Variants in DLG2 observed in about 807,000 individuals in gnomAD.
The protein encoded by DLG2 is discs large MAGUK scaffold protein 2, also known as disks large homolog 2.
In DLG2, 45 loss-of-function variants were observed where a neutral mutation model predicts 132.5. That is an observed-to-expected ratio of 0.34 (90% CI 0.27 to 0.44). DLG2 has a LOEUF of 0.44. DLG2 is among the 20% of genes least tolerant of loss of function. The pLI is 1.00. For synonymous variants in DLG2, 424 were observed against 419.6 expected, an observed-to-expected ratio of 1.01 and a Z score of -0.13; for missense variants, 1,045 against 1,196.9, an observed-to-expected ratio of 0.87 and a Z score of 1.87.
intron 19 of DLG2, among the ~76,000 whole-genome samples, chr11:83,627,499 C>T (rs1307934396): frequency 2.6e-5 from 4 of 152,152 alleles, no homozygotes; most frequent in South Asian, 2.1e-4. Context: ...TTGCTCAGAA[C>T]GATGGTTTCC....
intron 7 of DLG2, among the ~76,000 whole-genome samples, chr11:84,301,900 T>G (rs962128551): frequency 6.6e-6 from 1 of 152,124 alleles, no homozygotes; most frequent in Non-Finnish European, 1.5e-5. Flanking sequence ...CATGTACACA[T>G]ATGTTTATTG....
intron 19 of DLG2, among the ~76,000 whole-genome samples, chr11:83,605,019 G>GAGAT (rs2059133157): frequency 6.8e-6 from 1 of 147,202 alleles, no homozygotes; most frequent in African/African-American, 2.5e-5. Context: ...GAGAGAGAGA[G>GAGAT]AGAGAGAGAG....
intron 17 of DLG2, among the ~76,000 whole-genome samples, chr11:83,789,595 T>C (rs1403836488): frequency 2.6e-5 from 4 of 151,880 alleles, no homozygotes; most frequent in African/African-American, 9.7e-5. Context: ...TTGCCCAGCC[T>C]GGAGTGCAGT....
At chr11:83,965,543 C>G (rs960531) in intron 12 of DLG2, 75 bp from the exon 13 acceptor site, 152,370 of 1,217,834 alleles carry the variant, frequency 0.13, 10,967 homozygotes, top group Admixed American at 0.19. Context: ...AAGAAGATAC[C>G]TGGAATTATA....
intron 4 of DLG2, among the ~76,000 whole-genome samples, chr11:85,186,684 AC>A (rs1180035856): frequency 6.6e-6 from 1 of 152,134 alleles, no homozygotes; most frequent in African/African-American, 2.4e-5. Context: ...GATTACTGTC[AC>A]ATCCTGACCT....
intron 6 of DLG2, among the ~76,000 whole-genome samples, chr11:84,586,150 CAA>C (rs71036429): frequency 1.1e-4 from 15 of 133,372 alleles, no homozygotes; most frequent in Non-Finnish European, 1.4e-4. Flanking sequence ...GATTCTGACT[CAA>C]AAAAAAAAAA....
At chr11:85,176,101 T>C (rs2079219289) in intron 4 of DLG2, among the ~76,000 whole-genome samples, 1 of 152,142 alleles carries the variant, frequency 6.6e-6, no homozygotes, top group Non-Finnish European at 1.5e-5. Context: ...TTCACAGAAT[T>C]AGAAGTAACT....
At chr11:84,462,103 A>G (rs1389475521) in intron 7 of DLG2, among the ~76,000 whole-genome samples, 1 of 150,972 alleles carries the variant, frequency 6.6e-6, no homozygotes, top group Non-Finnish European at 1.5e-5. Context: ...AAATGATCCC[A>G]CGAGTCCTTA....
chr11:85,448,572 C>T (rs2092108848), intron 3 of DLG2, among the ~76,000 whole-genome samples: 1 of 152,156 alleles, frequency 6.6e-6, no homozygotes. Context: ...TACTGAAAAA[C>T]TTTGTTCTAT....
At chr11:83,523,491 A>G (rs1416091720) in intron 21 of DLG2, among the ~76,000 whole-genome samples, 1 of 152,154 alleles carries the variant, frequency 6.6e-6, no homozygotes, top group Admixed American at 6.6e-5. Context: ...CACAATAACA[A>G]TATGTAATGC....
chr11:84,044,137 T>C (rs989002927), intron 11 of DLG2, among the ~76,000 whole-genome samples: 1 of 151,748 alleles, frequency 6.6e-6, no homozygotes, highest in African/African-American at 2.4e-5. Flanking sequence ...CTGTCATCAT[T>C]TGTATGATTT....
At chr11:83,655,123 T>C (rs2071956403) in intron 18 of DLG2, among the ~76,000 whole-genome samples, 2 of 152,196 alleles carry the variant, frequency 1.3e-5, no homozygotes, top group South Asian at 2.1e-4. Context: ...TACTCTCCAG[T>C]TGTATTGTAA....
At chr11:83,964,801 A>G (rs1329770045) in intron 13 of DLG2, among the ~76,000 whole-genome samples, 1 of 151,976 alleles carries the variant, frequency 6.6e-6, no homozygotes, top group African/African-American at 2.4e-5. Context: ...ATAGTGACTG[A>G]TAATTTTCTC....
chr11:84,294,967 G>C (rs186550845), intron 7 of DLG2, among the ~76,000 whole-genome samples: 62 of 152,256 alleles, frequency 4.1e-4, no homozygotes, highest in Non-Finnish European at 7.6e-4. Flanking sequence ...GAATTATTTT[G>C]AAAACTATAT....
chr11:83,576,866 T>C (rs375450961), intron 19 of DLG2, among the ~76,000 whole-genome samples: 2 of 152,180 alleles, frequency 1.3e-5, no homozygotes, highest in East Asian at 3.9e-4. Context: ...GGTAACTATG[T>C]GGATGAATAC....
At chr11:83,889,420 C>G (rs1265312147) in intron 15 of DLG2, among the ~76,000 whole-genome samples, 2 of 149,986 alleles carry the variant, frequency 1.3e-5, no homozygotes, top group Non-Finnish European at 1.5e-5. Context: ...CCATCTCACA[C>G]CAGTTAGAAT....
At chr11:85,027,345 T>C (rs1390582164) in intron 6 of DLG2, among the ~76,000 whole-genome samples, 16 of 152,144 alleles carry the variant, frequency 1.1e-4, no homozygotes, top group Admixed American at 1.0e-3. Context: ...TTGTTTCCCT[T>C]TTCTTTACTC....
intron 19 of DLG2, among the ~76,000 whole-genome samples, chr11:83,588,118 G>A (rs913140740): frequency 1.3e-5 from 2 of 152,172 alleles, no homozygotes; most frequent in Non-Finnish European, 2.9e-5. Flanking sequence ...AGCTCGAACT[G>A]GGTGGAGCCC....
chr11:85,528,415 T>G (rs2074953552), intron 3 of DLG2, among the ~76,000 whole-genome samples: 1 of 152,188 alleles, frequency 6.6e-6, no homozygotes, highest in South Asian at 2.1e-4. Context: ...GCTAGCCAGT[T>G]TGCACAGCAG....
Sources: gnomAD v4.1 joint callset for allele counts (sites outside exome capture counted in the v4.1 genomes callset) on GRCh38, gnomAD v4.1.1 for gene constraint, MANE v1.5 for transcripts, NCBI Gene and HGNC (gene_info 2026-07-23, HGNC 2026-07-21) for gene names.